Variants in LRRK1 observed in about 807,000 individuals in gnomAD.
LRRK1 encodes the protein leucine-rich repeat serine/threonine-protein kinase 1.
Under a neutral mutation model 209.1 loss-of-function variants are expected in LRRK1, and 113 were observed. That is an observed-to-expected ratio of 0.54 (90% CI 0.46 to 0.63). The LOEUF (loss-of-function observed/expected upper bound fraction) is 0.63, where lower values mean the gene tolerates loss of function less well. Ranked by LOEUF, LRRK1 falls within the 30% of genes least tolerant of loss-of-function variation. The pLI is 0.00. For synonymous variants in LRRK1, 1,144 were observed against 1,099.7 expected (o/e 1.04, Z -0.80); for missense variants, 2,284 against 2,632.2 (o/e 0.87, Z 2.89).
intron 2 of LRRK1, among the ~76,000 whole-genome samples, chr15:100,949,896 A>G (rs1049180544): frequency 2.0e-5 from 3 of 152,098 alleles, no homozygotes; most frequent in Non-Finnish European, 4.4e-5. Flanking sequence ...CAAAAAAAAA[A>G]CCCATAACTA....
In LRRK1 at chr15:100,933,208, G is replaced by A. The variant is rs114703039; in HGVS notation, c.97+8479G>A. Among the ~76,000 whole-genome samples, 221 of 152,296 alleles carry A rather than the reference G, an allele frequency of 1.5e-3. 2 individuals carry two copies. Among genetic ancestry groups the A allele is most frequent in the African/African-American group, 5.1e-3 (211 of 41,560 alleles). On this transcript the variant is annotated intron_variant, in intron 2 of 33. Transcript: ENST00000388948. ...CTTCTCCCTTGTCCTCTGATGTGGT[G>A]TGATTCTCACTGCCCTGTGGTGACC...
intron 2 of LRRK1, among the ~76,000 whole-genome samples, chr15:100,953,974 G>A (rs935277241): frequency 2.0e-5 from 3 of 152,090 alleles, no homozygotes; most frequent in African/African-American, 4.8e-5. Flanking sequence ...GGAGGGCAGT[G>A]GCACAATCTC....
chr15:101,019,235 G>A (rs1422178601), intron 12 of LRRK1, among the ~76,000 whole-genome samples: 1 of 152,148 alleles, frequency 6.6e-6, no homozygotes, highest in Admixed American at 6.5e-5. Context: ...ACACCGTAGC[G>A]AAACTTTAAA....
chr15:100,968,912 C>T (rs2030675806), intron 2 of LRRK1, among the ~76,000 whole-genome samples: 1 of 151,870 alleles, frequency 6.6e-6, no homozygotes, highest in Admixed American at 6.6e-5. Flanking sequence ...AGTCACAGCT[C>T]ATTGAAGCCT....
intron 2 of LRRK1, among the ~76,000 whole-genome samples, chr15:100,972,357 A>AGTGT (rs2030960926): frequency 1.0e-4 from 10 of 95,944 alleles, no homozygotes; most frequent in African/African-American, 1.6e-4. Flanking sequence ...AGAGAGAGAG[A>AGTGT]GAGAGAGTGT....
intron 2 of LRRK1, among the ~76,000 whole-genome samples, chr15:100,966,721 C>T (rs1169399505): frequency 6.6e-6 from 1 of 152,130 alleles, no homozygotes; most frequent in Non-Finnish European, 1.5e-5. Context: ...ATGGTGTCAC[C>T]CTGCAACTTA....
intron 2 of LRRK1, among the ~76,000 whole-genome samples, chr15:100,941,446 C>CTGTGTCTCTGTGTGTGTCTG (rs2042428648): frequency 1.4e-5 from 1 of 72,522 alleles, no homozygotes; most frequent in South Asian, 4.1e-4. Flanking sequence ...GTGTGTGTGT[C>CTGTGTCTCTGTGTGTGTCTG]TGTGTGTGTC....
chr15:100,973,150 C>G (rs1018326979), intron 2 of LRRK1, among the ~76,000 whole-genome samples: 1 of 152,238 alleles, frequency 6.6e-6, no homozygotes, highest in South Asian at 2.1e-4. Context: ...CTGAACGGCC[C>G]GGGCGCTGGG....
Position 101,029,064 on chromosome 15 carries a change from A to G in LRRK1, c.2795A>G (p.Gln932Arg). The G allele has an allele frequency of 6.2e-7, 1 of 1,614,194 alleles. No individual in the cohort carries two copies. Among genetic ancestry groups the G allele is most frequent in the Non-Finnish European group, 8.5e-7 (1 of 1,180,044 alleles). The change falls in exon 20 of 34, where the codon CAG (glutamine) becomes CGG (arginine). Residue 932 changes from glutamine (Q) to arginine (R), a missense_variant. This residue lies in a region of LRRK1 where 780 missense variants were observed against 985.2 expected (regional missense o/e 0.79). Coordinates refer to ENST00000388948, the MANE Select transcript of LRRK1 (RefSeq NM_024652.6). Reference sequence around the variant, plus strand: ...CCTATTTGGCTCTCCGAATGTCTGCAGAGGATCTTTAATATTAAGGGCTCT... The same window carrying G: ...CCTATTTGGCTCTCCGAATGTCTGCGGAGGATCTTTAATATTAAGGGCTCT... ...LDPIWLSECL[Q>R]RIFNIKGSRS...
chr15:100,953,055 A>G (rs1212238195), intron 2 of LRRK1, among the ~76,000 whole-genome samples: 1 of 152,212 alleles, frequency 6.6e-6, no homozygotes, highest in Non-Finnish European at 1.5e-5. Context: ...ATATACATAA[A>G]TGTTGCAAAA....
chr15:100,994,287 C>G (rs1208731704), intron 6 of LRRK1, among the ~76,000 whole-genome samples: 1 of 152,228 alleles, frequency 6.6e-6, no homozygotes, highest in African/African-American at 2.4e-5. Flanking sequence ...CTAGGTTTCA[C>G]ATAGACGAAT....
At chr15:100,963,779 TCCCA>T (rs890525475) in intron 2 of LRRK1, among the ~76,000 whole-genome samples, 1 of 152,154 alleles carries the variant, frequency 6.6e-6, no homozygotes, top group Non-Finnish European at 1.5e-5. Context: ...TGGCAAGGCC[TCCCA>T]CGATGGCCAA....
chr15:100,971,337 A>C (rs2030870634), intron 2 of LRRK1, among the ~76,000 whole-genome samples: 1 of 150,344 alleles, frequency 6.7e-6, no homozygotes, highest in Non-Finnish European at 1.5e-5. Flanking sequence ...GTGTCTCAAA[A>C]AAAAAAAAAA....
At chr15:100,981,129 T>G (rs951635856) in intron 3 of LRRK1, among the ~76,000 whole-genome samples, 2 of 152,226 alleles carry the variant, frequency 1.3e-5, no homozygotes, top group African/African-American at 4.8e-5. Flanking sequence ...TTTTCTATGC[T>G]GTTTGAATTT....
intron 4 of LRRK1, 36 bp downstream of exon 4, chr15:100,983,735 AG>A: frequency 1.9e-6 from 3 of 1,595,954 alleles, no homozygotes; most frequent in Non-Finnish European, 1.7e-6. Context: ...ACCGTGTCTC[AG>A]GGCACCCTCT....
chr15:100,951,706 C>G (rs1037863328), intron 2 of LRRK1, among the ~76,000 whole-genome samples: 7 of 152,044 alleles, frequency 4.6e-5, no homozygotes, highest in African/African-American at 1.4e-4. Flanking sequence ...AATCCCAGCA[C>G]TTTGGGAGGC....
intron 3 of LRRK1, among the ~76,000 whole-genome samples, chr15:100,975,102 G>T (rs1043339177): frequency 1.3e-5 from 2 of 152,210 alleles, no homozygotes; most frequent in Non-Finnish European, 2.9e-5. Context: ...GGAATTCATG[G>T]TGGATATGGA....
chr15:101,049,511 C>T, intron 22 of LRRK1, 133 bp from the exon 23 acceptor site: 5 of 987,158 alleles, frequency 5.1e-6, no homozygotes, highest in Non-Finnish European at 7.4e-6. Flanking sequence ...GGAGGAGTCC[C>T]CCATCGGTCC....
At chr15:101,009,860 A>G (rs1476781182) in intron 7 of LRRK1, among the ~76,000 whole-genome samples, 1 of 152,210 alleles carries the variant, frequency 6.6e-6, no homozygotes, top group Non-Finnish European at 1.5e-5. Context: ...TGCTGAGATT[A>G]CAGGCATGAG....
Sources: gnomAD v4.1 joint callset for allele counts (sites outside exome capture counted in the v4.1 genomes callset) on GRCh38, gnomAD v4.1.1 for gene constraint, gnomAD v4.1.1 regional missense constraint, MANE v1.5 for transcripts, NCBI Gene and HGNC (gene_info 2026-07-23, HGNC 2026-07-21) for gene names.